Variants in RIMS1 observed in about 807,000 individuals in gnomAD.
RIMS1 encodes regulating synaptic membrane exocytosis 1.
A neutral mutation model predicts 214.1 loss-of-function variants in RIMS1; 83 were observed. That is an observed-to-expected ratio of 0.39 (90% CI 0.32 to 0.47). The LOEUF (loss-of-function observed/expected upper bound fraction) is 0.47, where lower values mean the gene tolerates loss of function less well. Among genes scored for constraint, RIMS1 ranks in the 20% least tolerant of loss-of-function variants. The probability of loss-of-function intolerance (pLI) is 0.99; values close to 1 mark genes in which losing one functional copy is unlikely to be tolerated. For synonymous variants in RIMS1, 793 were observed against 786.8 expected, an observed-to-expected ratio of 1.01 and a Z score of -0.13; for missense variants, 2,050 against 2,161.8, an observed-to-expected ratio of 0.95 and a Z score of 1.03.
At chr6:72,290,276 T>C (rs1269295925) in intron 24 of RIMS1, among the ~76,000 whole-genome samples, 1 of 152,170 alleles carries the variant, frequency 6.6e-6, no homozygotes, top group Non-Finnish European at 1.5e-5. Context: ...GAAGCTTTCC[T>C]GTATTCATCA....
In RIMS1 at chr6:72,313,564, A is replaced by T; in HGVS notation, c.4022A>T (p.Asp1341Val). Residue 1341 changes from aspartate (D) to valine (V), a missense_variant, in exon 28 of 34, where the codon GAT becomes GTT. Coordinates refer to ENST00000521978, the MANE Select transcript of RIMS1 (RefSeq NM_014989.7). ...SCDNVSAKSS[D>V]SDVSDVSAIS... is the part of the protein sequence containing the mutation. ...GATAACGTCTCTGCCAAATCATCAG[A>T]TAGTGATGTCAGTGATGTTTCCGCC... 1 of 1,613,822 alleles carries T rather than the reference A, an allele frequency of 6.2e-7. No homozygotes were observed. Among genetic ancestry groups the T allele is most frequent in the African/African-American group, 1.3e-5 (1 of 75,042 alleles).
chr6:72,350,826 C>T (rs1022634305), intron 29 of RIMS1, among the ~76,000 whole-genome samples: 7 of 152,076 alleles, frequency 4.6e-5, no homozygotes, highest in Non-Finnish European at 8.8e-5. Context: ...CCCTTTCATG[C>T]TCACCAGCTC....
At chr6:71,915,466 C>G (rs1437639163) in intron 1 of RIMS1, among the ~76,000 whole-genome samples, 1 of 152,130 alleles carries the variant, frequency 6.6e-6, no homozygotes, top group Non-Finnish European at 1.5e-5. Flanking sequence ...TGTTCACATG[C>G]CTTCTTTCCA....
chr6:72,129,526 C>A (rs1245908461), intron 4 of RIMS1, among the ~76,000 whole-genome samples: 3 of 152,154 alleles, frequency 2.0e-5, no homozygotes, highest in South Asian at 2.1e-4. Flanking sequence ...AGCTATTGAG[C>A]AGATAGAAGT....
At chr6:72,088,614 A>G (rs1473430556) in intron 2 of RIMS1, among the ~76,000 whole-genome samples, 1 of 152,150 alleles carries the variant, frequency 6.6e-6, no homozygotes, top group African/African-American at 2.4e-5. Flanking sequence ...TGTTGCTCTC[A>G]TAGAAGCTCT....
chr6:72,212,352 G>A (rs747516397), intron 6 of RIMS1, among the ~76,000 whole-genome samples: 2 of 151,018 alleles, frequency 1.3e-5, no homozygotes, highest in African/African-American at 2.4e-5. Flanking sequence ...ACATATATAT[G>A]TATTTGCATC....
At chr6:71,959,438 GAA>G (rs1344166726) in intron 1 of RIMS1, among the ~76,000 whole-genome samples, 1 of 152,026 alleles carries the variant, frequency 6.6e-6, no homozygotes, top group Non-Finnish European at 1.5e-5. Context: ...GCTTTGTGGG[GAA>G]AAGACATACT....
intron 2 of RIMS1, among the ~76,000 whole-genome samples, chr6:72,011,872 A>C (rs563823311): frequency 6.6e-6 from 1 of 152,368 alleles, no homozygotes; most frequent in South Asian, 2.1e-4. Flanking sequence ...ACAGTTTTAC[A>C]CTGTTGGTGG....
chr6:72,275,608 A>G (rs995599956), intron 23 of RIMS1, among the ~76,000 whole-genome samples: 2 of 152,184 alleles, frequency 1.3e-5, no homozygotes, highest in African/African-American at 4.8e-5. Flanking sequence ...AATATGGTTT[A>G]CATTTACATA....
At chr6:71,964,690 A>G (rs1793949048) in intron 1 of RIMS1, among the ~76,000 whole-genome samples, 1 of 152,164 alleles carries the variant, frequency 6.6e-6, no homozygotes, top group African/African-American at 2.4e-5. Context: ...TAGGGGAAAA[A>G]AAAAATGAAA....
chr6:71,980,122 G>A lies in RIMS1; in HGVS notation c.245+11059G>A, dbSNP rs538807752. On this transcript the variant is annotated intron_variant, in intron 2 of 33. Transcript: ENST00000521978. ...TGTCCAGGATGAGAACAGTCTGCCC[G>A]TGCCAAGAAAATAGTTGGTTGTTGT... Among the ~76,000 whole-genome samples, 166 of 152,098 alleles carry A rather than the reference G, an allele frequency of 1.1e-3. No homozygotes were observed. The South Asian group carries it at 0.014, about 13-fold the overall frequency.
chr6:72,258,421 T>C (rs2076755403), intron 17 of RIMS1, 140 bp downstream of exon 17: 1 of 883,888 alleles, frequency 1.1e-6, no homozygotes, highest in Admixed American at 3.1e-5. Context: ...CAAAATTTTT[T>C]TTATTCTTTA....
intron 29 of RIMS1, among the ~76,000 whole-genome samples, chr6:72,361,838 T>C (rs542929663): frequency 3.0e-4 from 46 of 152,312 alleles, no homozygotes; most frequent in African/African-American, 1.0e-3. Flanking sequence ...ACTCAGATAA[T>C]CCAGGATAAC....
intron 1 of RIMS1, among the ~76,000 whole-genome samples, chr6:71,937,528 C>T (rs1330231358): frequency 6.6e-6 from 1 of 152,146 alleles, no homozygotes; most frequent in Non-Finnish European, 1.5e-5. Context: ...GCTGGGATTA[C>T]AGTGATGAAC....
At chr6:72,323,389 G>A (rs1347992581) in intron 28 of RIMS1, among the ~76,000 whole-genome samples, 1 of 151,926 alleles carries the variant, frequency 6.6e-6, no homozygotes, top group Admixed American at 6.6e-5. Flanking sequence ...GAAATCAAAG[G>A]AGGATGGATT....
chr6:72,084,676 T>C (rs539682296), intron 2 of RIMS1, among the ~76,000 whole-genome samples: 2 of 152,280 alleles, frequency 1.3e-5, no homozygotes, highest in East Asian at 3.9e-4. Flanking sequence ...CATTTAATGC[T>C]TACTCGGGAG....
At chr6:72,206,180 C>T (rs757361212) in intron 6 of RIMS1, among the ~76,000 whole-genome samples, 3 of 152,042 alleles carry the variant, frequency 2.0e-5, no homozygotes, top group East Asian at 3.9e-4. Flanking sequence ...TCTTAAAGAC[C>T]GATCAAGTTG....
Position 71,941,631 on chromosome 6 carries a change from T to C in RIMS1, c.165-27352T>C, listed in dbSNP as rs529903092. On this transcript the variant is annotated intron_variant, in intron 1 of 33. Transcript: ENST00000521978. Reference sequence around the variant, plus strand: ...CAGAAGTCAGCCCTTTCCTCCACAATATCTCCAGCTGGTGGAGCTAGCCTT... The same window carrying C: ...CAGAAGTCAGCCCTTTCCTCCACAACATCTCCAGCTGGTGGAGCTAGCCTT... Among the ~76,000 whole-genome samples, 5 of 152,322 alleles carry C rather than the reference T, an allele frequency of 3.3e-5. No homozygotes were observed. In the South Asian group the frequency reaches 8.3e-4, roughly 25 times the overall value.
intron 6 of RIMS1, among the ~76,000 whole-genome samples, chr6:72,185,562 G>T (rs1286353574): frequency 6.6e-6 from 1 of 152,192 alleles, no homozygotes; most frequent in Non-Finnish European, 1.5e-5. Flanking sequence ...GGAAGAAGAG[G>T]TAAAAGAAGC....
Sources: allele counts gnomAD v4.1 joint callset (sites outside exome capture counted in the v4.1 genomes callset), GRCh38; gene constraint gnomAD v4.1.1; transcripts MANE v1.5; gene names NCBI Gene and HGNC (gene_info 2026-07-23, HGNC 2026-07-21).